The following PAQR4 variants were observed in gnomAD, a reference collection of about 807,000 sequenced individuals.
PAQR4 encodes progestin and adipoQ receptor family member 4, also known as progestin and adipoQ receptor family member IV.
PAQR4 carries 26 observed loss-of-function variants against 20.9 expected under a neutral mutation model. The observed-to-expected ratio is 1.24, with a 90% CI of 0.91 to 1.73. PAQR4 has a LOEUF of 1.73. Among genes scored for constraint, PAQR4 ranks in the 40% most tolerant of loss-of-function variants. The probability of loss-of-function intolerance (pLI) is 0.00; values close to 1 mark genes in which losing one functional copy is unlikely to be tolerated. For synonymous variants in PAQR4, 193 were observed against 171.6 expected (o/e 1.12, Z -0.97); for missense variants, 400 against 380.1 (o/e 1.05, Z -0.44).
rs1315313001 is a variant in PAQR4 at position 2,971,740 on chromosome 16, G to C, written c.614G>C (p.Cys205Ser). The change falls in exon 3 of 3, where the codon TGC becomes TCC. Residue 205 changes from cysteine (C) to serine (S), a missense_variant. Cys to Ser is a moderately radical substitution (Grantham distance 112, BLOSUM62 -1). Transcript: ENST00000318782. ...LGSGAPGSLP[C>S]YLRMDALALL... The stretch of plus-strand genomic sequence containing the variant: ...TCAGGGGCTCCAGGCTCCCTGCCCT[G>C]CTACCTGCGCATGGACGCACTGGCG... 1 of 1,612,610 alleles carries C rather than the reference G, an allele frequency of 6.2e-7. No homozygotes were observed. The highest frequency in any genetic ancestry group is 1.6e-4 in the Middle Eastern group (1 of 6,078).
Position 2,972,526 on chromosome 16 carries a change from C to A in PAQR4, c.*578C>A, listed in dbSNP as rs1429788151. On this transcript the variant is annotated 3_prime_UTR_variant, in exon 3 of 3. Transcript: ENST00000318782. Reference sequence around the variant, plus strand: ...ACAGGCACAAGGGCTGCAGCTGCTTCTTCCAGGAAACTGACACAGGGAGCT... The same window carrying A: ...ACAGGCACAAGGGCTGCAGCTGCTTATTCCAGGAAACTGACACAGGGAGCT... The A allele has an allele frequency of 3.9e-6, 5 of 1,296,300 alleles. No homozygotes were observed. The highest frequency in any genetic ancestry group is 2.4e-5 in the Admixed American group (1 of 41,254). 80.3% of individuals were successfully genotyped at this position (1,296,300 alleles called of 1,614,324 possible).
At position 2,971,832 on chromosome 16, in the gene PAQR4, T is replaced by C; in HGVS notation, c.706T>C (p.Trp236Arg). The C allele has an allele frequency of 6.2e-7, 1 of 1,612,590 alleles. No homozygotes were observed. The highest frequency in any genetic ancestry group is 8.5e-7 in the Non-Finnish European group (1 of 1,179,892). Residue 236 changes from tryptophan (W) to arginine (R), a missense_variant, in exon 3 of 3, where the codon TGG (tryptophan) becomes CGG (arginine). Coordinates refer to ENST00000318782, the MANE Select transcript of PAQR4 (RefSeq NM_152341.5). ...CTGGGGACCTGGCCGCTTTGACTAC[T>C]GGGGCAACTCCCACCAGATCATGCA... ...ERWGPGRFDY[W>R]GNSHQIMHLL... is the part of the protein sequence containing the mutation.
intron 1 of PAQR4, chr16:2,970,323 G>T (rs1411346420): frequency 6.1e-6 from 1 of 164,190 alleles, no homozygotes; most frequent in East Asian, 1.9e-4. Flanking sequence ...TCCGCGCCCC[G>T]CGGAGCTCTG....
Position 2,971,586 on chromosome 16 carries a change from ACT to A in PAQR4, c.461_462del (p.Thr154SerfsTer80), listed in dbSNP as rs2071993143. ...GCGCCCGGCTGCCCTGGTGGGCTACACTGTGTTGTCGGGTGTGGCCGGCTGGC... is the reference window on the plus strand; with the variant it reads ...GCGCCCGGCTGCCCTGGTGGGCTACAGTGTTGTCGGGTGTGGCCGGCTGGC... The part of the protein sequence containing the change: ...WLRPAALVGY[T>X]VLSGVAGWRA... On this transcript the variant is annotated frameshift_variant, in exon 3 of 3. Transcript: ENST00000318782. LOFTEE classifies it high-confidence loss of function. The A allele has an allele frequency of 6.2e-7, 1 of 1,601,454 alleles. No individual in the cohort carries two copies. The highest frequency in any genetic ancestry group is 8.5e-7 in the Non-Finnish European group (1 of 1,179,600).
At position 2,971,961 on chromosome 16, in the gene PAQR4, G is replaced by A; in HGVS notation, c.*13G>A. 1 of 1,566,832 alleles carries A rather than the reference G, an allele frequency of 6.4e-7. No homozygotes were observed. The highest frequency in any genetic ancestry group is 8.6e-7 in the Non-Finnish European group (1 of 1,160,750). On this transcript the variant is annotated 3_prime_UTR_variant, in exon 3 of 3. Coordinates refer to ENST00000318782, the MANE Select transcript of PAQR4 (RefSeq NM_152341.5). Reference sequence around the variant, plus strand: ...TCCCCGGGACTGAGCTGCCATGCCAGCCTGCCCACAGCAGCCTCCTAGAGT... The same window carrying A: ...TCCCCGGGACTGAGCTGCCATGCCAACCTGCCCACAGCAGCCTCCTAGAGT...
chr16:2,973,218 G>A lies in PAQR4; in HGVS notation c.*1270G>A. The A allele has an allele frequency of 6.7e-7, 1 of 1,493,878 alleles. No homozygotes were observed. The highest frequency in any genetic ancestry group is 2.4e-5 in the East Asian group (1 of 42,396). 92.5% of individuals were successfully genotyped at this position (1,493,878 alleles called of 1,614,324 possible). A position where few individuals can be genotyped will look rare whatever the true frequency, so the allele number is the denominator to read the frequency against. The stretch of plus-strand genomic sequence containing the variant: ...CAGCCTCAGGGGAGAGTGAAGGCCT[G>A]CAGGAGGGCAGGCGAGACAAGGAGG... On this transcript the variant is annotated 3_prime_UTR_variant, in exon 3 of 3. Transcript: ENST00000318782.
In PAQR4 at chr16:2,972,472, G is replaced by A; in HGVS notation, c.*524G>A. 1 of 736,288 alleles carries A rather than the reference G, an allele frequency of 1.4e-6. No individual in the cohort carries two copies. The highest frequency in any genetic ancestry group is 2.9e-5 in the Admixed American group (1 of 34,800). 45.6% of individuals were successfully genotyped at this position (736,288 alleles called of 1,614,324 possible). ...GCATTCAGGACAAAAGGACCAAGGG[G>A]GCGTGGACCCGTCTTGTACCAGCTG... On this transcript the variant is annotated 3_prime_UTR_variant, in exon 3 of 3. Transcript: ENST00000318782.
rs1267018806 is a variant in PAQR4, at chr16:2,973,017, G to C, written c.*1069G>C. 6.2e-7 allele frequency: 1 copy of C among 1,609,974 alleles called. No individual in the cohort carries two copies. The highest frequency in any genetic ancestry group is 8.5e-7 in the Non-Finnish European group (1 of 1,179,090). On this transcript the variant is annotated 3_prime_UTR_variant, in exon 3 of 3. Coordinates refer to ENST00000318782, the MANE Select transcript of PAQR4 (RefSeq NM_152341.5). Reference sequence around the variant, plus strand: ...GTTCCGAGGCTCAAAGGAGGGGAAGGAGCCCCGAGGAGGCTCTGAGTTGAT... The same window carrying C: ...GTTCCGAGGCTCAAAGGAGGGGAAGCAGCCCCGAGGAGGCTCTGAGTTGAT...
chr16:2,969,922 G>T, intron 1 of PAQR4, 82 bp downstream of exon 1: 7 of 1,559,506 alleles, frequency 4.5e-6, no homozygotes, highest in Non-Finnish European at 6.1e-6. Context: ...GCCGAGGAGG[G>T]CCCCAGCGCC....
Position 2,972,314 on chromosome 16 carries a change from C to T in PAQR4, c.*366C>T, listed in dbSNP as rs1322062038. The T allele has an allele frequency of 1.9e-6, 1 of 516,576 alleles. No individual in the cohort carries two copies. Among genetic ancestry groups the T allele is most frequent in the African/African-American group, 1.9e-5 (1 of 52,462 alleles). The allele number at this position is 516,576 out of a possible 1,614,324, so 32.0% of individuals were successfully genotyped here. A position where few individuals can be genotyped will look rare whatever the true frequency, so the allele number is the denominator to read the frequency against. The stretch of plus-strand genomic sequence containing the variant: ...AGGCCGCCAGCCCAGAGCCTCCTCA[C>T]CCTATCCTGTTCCTCCCACCAGGCC... On this transcript the variant is annotated 3_prime_UTR_variant, in exon 3 of 3. Transcript: ENST00000318782.
In PAQR4 at chr16:2,969,619, A is replaced by G; in HGVS notation, c.-56A>G. 3 of 1,414,548 alleles carry G rather than the reference A, an allele frequency of 2.1e-6. No homozygotes were observed. The highest frequency in any genetic ancestry group is 5.9e-5 in the East Asian group (2 of 33,732). The allele number at this position is 1,414,548 out of a possible 1,614,324, so 87.6% of individuals were successfully genotyped here. ...ATGGGCCTTCCCGCGCTGCGGCCCC[A>G]CTGAGGAGGAGGCTCGGGGACAGCA... On this transcript the variant is annotated 5_prime_UTR_variant, in exon 1 of 3. Transcript: ENST00000318782.
intron 1 of PAQR4, 22 bp downstream of exon 1, chr16:2,969,862 GCTTCCCACACCCCCGGC>G (rs918040207): frequency 2.1e-5 from 33 of 1,606,868 alleles, no homozygotes; most frequent in Non-Finnish European, 2.7e-5. Context: ...CCCGCAACGC[GCTTCCCACACCCCCGGC>G]CGCCCTACCT....
chr16:2,969,361 G>T lies in PAQR4; in HGVS notation c.-314G>T. Reference sequence around the variant, plus strand: ...CCTCCTGGCTGCAGAGAGACTACCGGCCACCGCCGCCGCCGCCGCCGCGAG... The same window carrying T: ...CCTCCTGGCTGCAGAGAGACTACCGTCCACCGCCGCCGCCGCCGCCGCGAG... On this transcript the variant is annotated 5_prime_UTR_variant, in exon 1 of 3. Transcript: ENST00000318782. The T allele has an allele frequency of 6.2e-6, 1 of 161,794 alleles. No homozygotes were observed. The highest frequency in any genetic ancestry group is 1.3e-5 in the Non-Finnish European group (1 of 74,138). 10.0% of individuals were successfully genotyped at this position (161,794 alleles called of 1,614,324 possible). A position where few individuals can be genotyped will look rare whatever the true frequency, so the allele number is the denominator to read the frequency against.
At chr16:2,971,494 C>G (rs1225462953) in intron 2 of PAQR4, 21 bp from the exon 3 acceptor site, 3 of 1,577,638 alleles carry the variant, frequency 1.9e-6, no homozygotes, top group Non-Finnish European at 2.6e-6. Flanking sequence ...ATGCCCTCTC[C>G]TGTTCTCTCC....
In PAQR4 at chr16:2,972,152, C is replaced by G. The variant is rs1596443773; in HGVS notation, c.*204C>G. 3.4e-6 allele frequency: 2 copies of G among 585,472 alleles called. No individual in the cohort carries two copies. The highest frequency in any genetic ancestry group is 5.9e-6 in the Non-Finnish European group (2 of 338,516). 36.3% of individuals were successfully genotyped at this position (585,472 alleles called of 1,614,324 possible). ...TCCAACTTCCTTCCCTGCCTTTTCC[C>G]TCCAAGCTCCTATTTTACTGTGTCA... On this transcript the variant is annotated 3_prime_UTR_variant, in exon 3 of 3. Coordinates refer to ENST00000318782, the MANE Select transcript of PAQR4 (RefSeq NM_152341.5).
chr16:2,972,973 C>T lies in PAQR4; in HGVS notation c.*1025C>T, dbSNP rs1279763081. The T allele has an allele frequency of 1.2e-6, 2 of 1,609,022 alleles. No homozygotes were observed. The highest frequency in any genetic ancestry group is 2.2e-5 in the East Asian group (1 of 44,764). On this transcript the variant is annotated 3_prime_UTR_variant, in exon 3 of 3. Transcript: ENST00000318782. ...GGGGCTCAGGTTGGGTCTAGGGTGTCCTCAAACAGGCTGAGGAGGTTCCGA... is the reference window on the plus strand; with the variant it reads ...GGGGCTCAGGTTGGGTCTAGGGTGTTCTCAAACAGGCTGAGGAGGTTCCGA...
At position 2,971,522 on chromosome 16, in the gene PAQR4, G is replaced by C. The variant is rs752277193; in HGVS notation, c.396G>C (p.Leu132=). The part of the protein sequence containing the change: ...GVCLVNTLGA[L]PIIHCTLACR... ...TTCTCTCCTCTTGTGCAGGGGCCCT[G>C]CCCATCATCCACTGCACCCTGGCCT... The change falls in exon 3 of 3, where the codon CTG becomes CTC. Residue 132 remains leucine, a synonymous_variant. Coordinates refer to ENST00000318782, the MANE Select transcript of PAQR4 (RefSeq NM_152341.5). The C allele has an allele frequency of 1.9e-6, 3 of 1,585,326 alleles. No individual in the cohort carries two copies. The East Asian group carries it at 6.7e-5, about 36-fold the overall frequency.
Position 2,972,828 on chromosome 16 carries a change from A to T in PAQR4, c.*880A>T, listed in dbSNP as rs2072034095. On this transcript the variant is annotated 3_prime_UTR_variant, in exon 3 of 3. Coordinates refer to ENST00000318782, the MANE Select transcript of PAQR4 (RefSeq NM_152341.5). ...CAAGCTTGGGTGCTCCCAAGGTTCA[A>T]ATACTTTTTATTAGACACGGCCAGG... 2 of 1,534,340 alleles carry T rather than the reference A, an allele frequency of 1.3e-6. No individual in the cohort carries two copies. The highest frequency in any genetic ancestry group is 1.4e-5 in the African/African-American group (1 of 72,630).
chr16:2,969,698 C>G lies in PAQR4; in HGVS notation c.24C>G (p.Arg8=). MAFLAGP[R]LLDWASSPPH... The stretch of plus-strand genomic sequence containing the variant: ...CCATGGCGTTCCTGGCCGGGCCGCG[C>G]CTGCTGGACTGGGCCAGCTCGCCGC... Residue 8 remains arginine, a synonymous_variant, in exon 1 of 3, where the codon CGC becomes CGG. Transcript: ENST00000318782. 1 of 1,587,634 alleles carries G rather than the reference C, an allele frequency of 6.3e-7. No individual in the cohort carries two copies. The highest frequency in any genetic ancestry group is 1.1e-5 in the South Asian group (1 of 88,924).
Sources: gnomAD v4.1 joint callset for allele counts on GRCh38, gnomAD v4.1.1 for gene constraint, MANE v1.5 for transcripts, NCBI Gene and HGNC (gene_info 2026-07-23, HGNC 2026-07-21) for gene names.